The following FOXF1 variants were observed in gnomAD, a reference collection of about 807,000 sequenced individuals.
FOXF1 encodes forkhead box F1.
Under a neutral mutation model 26.6 loss-of-function variants are expected in FOXF1, and 9 were observed. The ratio of observed to expected loss-of-function variants is 0.34; its 90% CI spans 0.20 to 0.59. FOXF1 has a LOEUF of 0.59. Ranked by LOEUF, FOXF1 falls within the 20% of genes least tolerant of loss-of-function variation. FOXF1 has a pLI of 0.83. For synonymous variants in FOXF1, 330 were observed against 257.7 expected (o/e 1.28, Z -2.69); for missense variants, 499 against 549.9 (o/e 0.91, Z 0.93).
At position 86,511,282 on chromosome 16, in the gene FOXF1, A is replaced by T; in HGVS notation, c.713A>T (p.His238Leu). The change falls in exon 1 of 2, where the codon CAC becomes CTC. Residue 238 changes from histidine (H) to leucine (L), a missense_variant. By Grantham distance (99) the His-to-Leu change is moderately conservative. Coordinates refer to ENST00000262426, the MANE Select transcript of FOXF1 (RefSeq NM_001451.3). ...GGCGCGGCGGCCGGCGAGTACCCGC[A>T]CCACGACAGCTCGGTGCCCGCCTCC... ...CGGAAAGEYP[H>L]HDSSVPASPL... is the part of the protein sequence containing the mutation. The T allele has an allele frequency of 6.6e-7, 1 of 1,524,078 alleles. No individual in the cohort carries two copies. The allele number at this position is 1,524,078 out of a possible 1,614,324, so 94.4% of individuals were successfully genotyped here. A position where few individuals can be genotyped will look rare whatever the true frequency, so the allele number is the denominator to read the frequency against.
chr16:86,512,779 G>T (rs544675132), intron 1 of FOXF1, 146 bp from the exon 2 acceptor site: 1 of 889,496 alleles, frequency 1.1e-6, no homozygotes, highest in Non-Finnish European at 1.8e-6. Context: ...GGGACTCGGG[G>T]AGGAGAGCGG....
chr16:86,512,986 T>C lies in FOXF1; in HGVS notation c.1041T>C (p.Ser347=), dbSNP rs1472789091. 6.2e-7 allele frequency: 1 copy of C among 1,614,148 alleles called. No individual in the cohort carries two copies. The highest frequency in any genetic ancestry group is 1.1e-5 in the South Asian group (1 of 91,084). The change falls in exon 2 of 2, where the codon TCT becomes TCC. Residue 347 remains serine (S), a synonymous_variant. Transcript: ENST00000262426. ...SMCDRKEFVF[S]FNAMASSSMH... ...GTGACCGAAAGGAGTTTGTCTTCTC[T>C]TTCAACGCCATGGCGTCCTCTTCCA...
At chr16:86,512,556 G>A (rs1395480498) in intron 1 of FOXF1, among the ~76,000 whole-genome samples, 1 of 152,216 alleles carries the variant, frequency 6.6e-6, no homozygotes, top group Non-Finnish European at 1.5e-5. Context: ...TCTGAGGTTG[G>A]GGGTGGTGGT....
Position 86,513,182 on chromosome 16 carries a change from C to T in FOXF1, c.*97C>T, listed in dbSNP as rs1969595671. 2 of 1,368,650 alleles carry T rather than the reference C, an allele frequency of 1.5e-6. No homozygotes were observed. Among genetic ancestry groups the T allele is most frequent in the Admixed American group, 3.8e-5 (2 of 52,784 alleles). 84.8% of individuals were successfully genotyped at this position (1,368,650 alleles called of 1,614,324 possible). On this transcript the variant is annotated 3_prime_UTR_variant, in exon 2 of 2. Transcript: ENST00000262426. ...TTTCTTCTCGAGGTATAACCGTCGG[C>T]AGAAGAAAAGGGTTCCACCTCTCCC...
chr16:86,514,491 C>T lies in FOXF1; in HGVS notation c.*1406C>T, dbSNP rs1017040809. ...TGGGACTGAGATTGTAGAATACCTT[C>T]CAGACTCCCAAAGATAGAGGGGGGA... On this transcript the variant is annotated 3_prime_UTR_variant, in exon 2 of 2. Coordinates refer to ENST00000262426, the MANE Select transcript of FOXF1 (RefSeq NM_001451.3). 2 of 152,070 alleles carry T rather than the reference C, an allele frequency of 1.3e-5. No homozygotes were observed. Among genetic ancestry groups the T allele is most frequent in the African/African-American group, 4.8e-5 (2 of 41,406 alleles). The allele number at this position is 152,070 out of a possible 1,614,324, so 9.4% of individuals were successfully genotyped here.
At position 86,513,399 on chromosome 16, in the gene FOXF1, C is replaced by T. The variant is rs986060012; in HGVS notation, c.*314C>T. The T allele has an allele frequency of 1.5e-4, 50 of 329,864 alleles. No homozygotes were observed. The highest frequency in any genetic ancestry group is 9.2e-4 in the Middle Eastern group (1 of 1,084). 20.4% of individuals were successfully genotyped at this position (329,864 alleles called of 1,614,324 possible). A position where few individuals can be genotyped will look rare whatever the true frequency, so the allele number is the denominator to read the frequency against. On this transcript the variant is annotated 3_prime_UTR_variant, in exon 2 of 2. Transcript: ENST00000262426. ...GGTGCTGTGCAGGGGAAAGCCCCCG[C>T]ACCCACACAGGAATTCTGCTGAGGT...
At chr16:86,511,688 C>G in intron 1 of FOXF1, 140 bp downstream of exon 1, 1 of 1,211,034 alleles carries the variant, frequency 8.3e-7, no homozygotes, top group East Asian at 2.5e-5. Flanking sequence ...CAAGGTGTCT[C>G]TTGGCCCCAC....
chr16:86,511,586 A>G, intron 1 of FOXF1, 38 bp downstream of exon 1: 1 of 1,553,392 alleles, frequency 6.4e-7, no homozygotes, highest in Non-Finnish European at 8.6e-7. Flanking sequence ...GTCCCCGGGA[A>G]GTCGAGTCTG....
chr16:86,513,113 A>G lies in FOXF1; in HGVS notation c.*28A>G, dbSNP rs746224665. Reference sequence around the variant, plus strand: ...CTGCCGCCGCAGGCCCTCCTGGTGCAGGCAGGCGGGTCACAGGGACCCTGG... The same window carrying G: ...CTGCCGCCGCAGGCCCTCCTGGTGCGGGCAGGCGGGTCACAGGGACCCTGG... On this transcript the variant is annotated 3_prime_UTR_variant, in exon 2 of 2. Coordinates refer to ENST00000262426, the MANE Select transcript of FOXF1 (RefSeq NM_001451.3). The G allele has an allele frequency of 6.2e-7, 1 of 1,606,530 alleles. No homozygotes were observed. Among genetic ancestry groups the G allele is most frequent in the South Asian group, 1.1e-5 (1 of 91,060 alleles).
chr16:86,513,016 C>T lies in FOXF1; in HGVS notation c.1071C>T (p.His357=). 6.2e-7 allele frequency: 1 copy of T among 1,614,006 alleles called. No individual in the cohort carries two copies. Among genetic ancestry groups the T allele is most frequent in the Non-Finnish European group, 8.5e-7 (1 of 1,180,038 alleles). The stretch of plus-strand genomic sequence containing the variant: ...ACGCCATGGCGTCCTCTTCCATGCA[C>T]TCGGCCGGCGGGGGCTCCTACTACC... ...SFNAMASSSM[H]SAGGGSYYHQ... Residue 357 remains histidine, a synonymous_variant, in exon 2 of 2, where the codon CAC becomes CAT. Transcript: ENST00000262426.
intron 1 of FOXF1, among the ~76,000 whole-genome samples, chr16:86,512,442 G>A (rs117693622): frequency 0.015 from 2,357 of 152,294 alleles, 31 homozygotes; most frequent in Non-Finnish European, 0.026. Flanking sequence ...GGGACTCCCC[G>A]GCTCCGGGGC....
Position 86,513,030 on chromosome 16 carries a change from G to T in FOXF1, c.1085G>T (p.Gly362Val). 1 of 1,613,648 alleles carries T rather than the reference G, an allele frequency of 6.2e-7. No individual in the cohort carries two copies. Among genetic ancestry groups the T allele is most frequent in the Non-Finnish European group, 8.5e-7 (1 of 1,180,030 alleles). The part of the protein sequence containing the change: ...ASSSMHSAGG[G>V]SYYHQQVTYQ... ...TCTTCCATGCACTCGGCCGGCGGGG[G>T]CTCCTACTACCACCAGCAGGTCACC... The change falls in exon 2 of 2, where the codon GGC (glycine) becomes GTC (valine). Residue 362 changes from glycine to valine, a missense_variant. By Grantham distance (109) the Gly-to-Val change is moderately radical (BLOSUM62 -3). Coordinates refer to ENST00000262426, the MANE Select transcript of FOXF1 (RefSeq NM_001451.3).
chr16:86,510,581 G>A lies in FOXF1; in HGVS notation c.12G>A (p.Ala4=), dbSNP rs1969544050. ...GCAGCAGCCACCCGATGTCTTCGGC[G>A]CCCGAGAAGCAGCAGCCACCGCACG... MSS[A]PEKQQPPHGG... is the part of the protein sequence containing the mutation. The change falls in exon 1 of 2, where the codon GCG becomes GCA. Residue 4 remains alanine, a synonymous_variant. Transcript: ENST00000262426. 2.2e-6 allele frequency: 3 copies of A among 1,370,126 alleles called. No individual in the cohort carries two copies. The highest frequency in any genetic ancestry group is 2.8e-6 in the Non-Finnish European group (3 of 1,068,688). 84.9% of individuals were successfully genotyped at this position (1,370,126 alleles called of 1,614,324 possible). A position where few individuals can be genotyped will look rare whatever the true frequency, so the allele number is the denominator to read the frequency against.
rs1044172464 is a variant in FOXF1, at chr16:86,510,627, G to A, written c.58G>A (p.Gly20Arg). ...PPHGGGGGGG[G>R]GGGAAMDPAS... The stretch of plus-strand genomic sequence containing the variant: ...GCACGGCGGCGGCGGCGGCGGCGGC[G>A]GGGGAGGCGGCGCGGCCATGGACCC... The change falls in exon 1 of 2, where the codon GGG becomes AGG. Residue 20 changes from glycine to arginine, a missense_variant. Physicochemically the swap from Gly to Arg is moderately radical, Grantham distance 125. Coordinates refer to ENST00000262426, the MANE Select transcript of FOXF1 (RefSeq NM_001451.3). The A allele has an allele frequency of 5.0e-6, 7 of 1,405,606 alleles. No homozygotes were observed. Among genetic ancestry groups the A allele is most frequent in the Non-Finnish European group, 6.4e-6 (7 of 1,086,970 alleles). The allele number at this position is 1,405,606 out of a possible 1,614,324, so 87.1% of individuals were successfully genotyped here.
intron 1 of FOXF1, 21 bp downstream of exon 1, chr16:86,511,569 C>A: frequency 6.4e-7 from 1 of 1,568,488 alleles, no homozygotes; most frequent in Non-Finnish European, 8.6e-7. Context: ...AGGCCGAGGG[C>A]GCCCTGGTCC....
intron 1 of FOXF1, 150 bp downstream of exon 1, chr16:86,511,698 C>A: frequency 8.9e-7 from 1 of 1,124,728 alleles, no homozygotes; most frequent in Non-Finnish European, 1.3e-6. Context: ...CTTGGCCCCA[C>A]CTCTCCCCCT....
chr16:86,513,596 C>CG lies in FOXF1; in HGVS notation c.*511_*512insG, dbSNP rs1969602733. 6.3e-6 allele frequency: 1 copy of CG among 159,060 alleles called. No homozygotes were observed. The highest frequency in any genetic ancestry group is 1.4e-5 in the Non-Finnish European group (1 of 72,304). 9.9% of individuals were successfully genotyped at this position (159,060 alleles called of 1,614,324 possible). A position where few individuals can be genotyped will look rare whatever the true frequency, so the allele number is the denominator to read the frequency against. On this transcript the variant is annotated 3_prime_UTR_variant, in exon 2 of 2. Transcript: ENST00000262426. ...GGAATGCGCAAGTCTCCCTTTAGAG[C>CG]CGTCTTTTGCAGGGAGCGGGAAGTG...
chr16:86,513,175 C>CCGT lies in FOXF1; in HGVS notation c.*93_*95dup. The CCGT allele has an allele frequency of 7.1e-7, 1 of 1,416,692 alleles. No homozygotes were observed. The highest frequency in any genetic ancestry group is 9.7e-7 in the Non-Finnish European group (1 of 1,028,016). 87.8% of individuals were successfully genotyped at this position (1,416,692 alleles called of 1,614,324 possible). A position where few individuals can be genotyped will look rare whatever the true frequency, so the allele number is the denominator to read the frequency against. Reference sequence around the variant, plus strand: ...AAACTGCTTTCTTCTCGAGGTATAACCGTCGGCAGAAGAAAAGGGTTCCAC... The same window carrying CCGT: ...AAACTGCTTTCTTCTCGAGGTATAACCGTCGTCGGCAGAAGAAAAGGGTTCCAC... On this transcript the variant is annotated 3_prime_UTR_variant, in exon 2 of 2. Transcript: ENST00000262426.
chr16:86,511,364 C>T lies in FOXF1; in HGVS notation c.795C>T (p.Gly265=). The T allele has an allele frequency of 6.4e-7, 1 of 1,568,112 alleles. No individual in the cohort carries two copies. The highest frequency in any genetic ancestry group is 8.6e-7 in the Non-Finnish European group (1 of 1,166,536). The change falls in exon 1 of 2, where the codon GGC becomes GGT. Residue 265 remains glycine (G), a synonymous_variant. Coordinates refer to ENST00000262426, the MANE Select transcript of FOXF1 (RefSeq NM_001451.3). ...GVMEPHAVYS[G]SAAAWPPSAS... ...TGGAGCCGCACGCCGTCTACTCGGG[C>T]TCGGCGGCGGCCTGGCCGCCCTCGG...
Sources: gnomAD v4.1 joint callset for allele counts (sites outside exome capture counted in the v4.1 genomes callset) on GRCh38, gnomAD v4.1.1 for gene constraint, MANE v1.5 for transcripts, NCBI Gene and HGNC (gene_info 2026-07-23, HGNC 2026-07-21) for gene names.